LTBP1: variants seen among roughly 807,000 people sequenced by gnomAD.
The protein encoded by LTBP1 is latent transforming growth factor beta binding protein 1, also known as latent-transforming growth factor beta-binding protein 1.
In LTBP1, 129 loss-of-function variants were observed where a neutral mutation model predicts 207.6. The ratio of observed to expected loss-of-function variants is 0.62; its 90% CI spans 0.54 to 0.72. LTBP1 has a LOEUF of 0.72. Among genes scored for constraint, LTBP1 ranks in the 30% least tolerant of loss-of-function variants. The probability of loss-of-function intolerance (pLI) is 0.00; values close to 1 mark genes in which losing one functional copy is unlikely to be tolerated. For missense variants in LTBP1, 2,281 were observed against 2,217.2 expected, an observed-to-expected ratio of 1.03 and a Z score of -0.58; for synonymous variants, 963 against 833.7, an observed-to-expected ratio of 1.16 and a Z score of -2.67.
At chr2:33,352,772 A>G (rs1042207068) in intron 26 of LTBP1, among the ~76,000 whole-genome samples, 13 of 152,130 alleles carry the variant, frequency 8.5e-5, no homozygotes, top group African/African-American at 3.1e-4. Flanking sequence ...TGAAGTCCAA[A>G]TGCATTAGCA....
intron 3 of LTBP1, among the ~76,000 whole-genome samples, chr2:33,084,819 G>A (rs2078656309): frequency 6.6e-6 from 1 of 152,210 alleles, no homozygotes; most frequent in African/African-American, 2.4e-5. Flanking sequence ...CAGCTGCGGG[G>A]TAGAGTCCAC....
intron 3 of LTBP1, among the ~76,000 whole-genome samples, chr2:33,033,502 A>T (rs1358028806): frequency 6.6e-6 from 1 of 152,164 alleles, no homozygotes; most frequent in Non-Finnish European, 1.5e-5. Flanking sequence ...GAACAATCAG[A>T]TGCAAGCGGG....
intron 31 of LTBP1, among the ~76,000 whole-genome samples, chr2:33,384,923 GA>G (rs2095252798): frequency 6.6e-6 from 1 of 152,168 alleles, no homozygotes; most frequent in African/African-American, 2.4e-5. Context: ...AGATCCTAAA[GA>G]GGATGACTTG....
At chr2:33,169,238 C>G (rs982855847) in intron 5 of LTBP1, among the ~76,000 whole-genome samples, 1 of 152,204 alleles carries the variant, frequency 6.6e-6, no homozygotes, top group Non-Finnish European at 1.5e-5. Context: ...TAGAAGGTCT[C>G]CATGCCCTTC....
intron 5 of LTBP1, among the ~76,000 whole-genome samples, chr2:33,138,311 A>G (rs933196164): frequency 6.6e-6 from 1 of 152,236 alleles, no homozygotes; most frequent in African/African-American, 2.4e-5. Context: ...GTGAGGCCCA[A>G]ATGAATATGG....
At chr2:33,300,873 T>G (rs1303207738) in intron 21 of LTBP1, among the ~76,000 whole-genome samples, 1 of 152,226 alleles carries the variant, frequency 6.6e-6, no homozygotes, top group African/African-American at 2.4e-5. Context: ...ACATGTAAAT[T>G]AATTTAAAGT....
intron 31 of LTBP1, 63 bp from the exon 32 acceptor site, chr2:33,389,121 G>A (rs1456626455): frequency 3.7e-6 from 6 of 1,608,144 alleles, no homozygotes; most frequent in Non-Finnish European, 5.1e-6. Flanking sequence ...TCTGAGCTGC[G>A]AGGGGGTGGG....
At chr2:33,144,964 A>G (rs553017533) in intron 5 of LTBP1, among the ~76,000 whole-genome samples, 68 of 152,356 alleles carry the variant, frequency 4.5e-4, no homozygotes, top group African/African-American at 1.2e-3. Context: ...TAAGCAGTCC[A>G]GGAAAATAAA....
At chr2:33,221,708 G>C (rs147356166) in intron 8 of LTBP1, among the ~76,000 whole-genome samples, 37 of 152,246 alleles carry the variant, frequency 2.4e-4, no homozygotes, top group East Asian at 2.1e-3. Flanking sequence ...AATGTTCCAG[G>C]ACGTGTAGTA....
At chr2:33,046,238 T>C (rs1300913947) in intron 3 of LTBP1, among the ~76,000 whole-genome samples, 1 of 152,196 alleles carries the variant, frequency 6.6e-6, no homozygotes, top group Non-Finnish European at 1.5e-5. Flanking sequence ...CAGTATGATA[T>C]TGGCTGTGGG....
At position 33,365,300 on chromosome 2, in the gene LTBP1, G is replaced by A. The variant is rs75656819; in HGVS notation, c.4541-33G>A. ...AGTGTTTATAAATAGGAATAACTGT[G>A]CGATTTTCATGGAACTATGTCTTCC... On this transcript the variant is annotated intron_variant, in intron 30 of 33. Transcript: ENST00000404816. 4,619 of 1,599,278 alleles carry A rather than the reference G, an allele frequency of 2.9e-3. 20 individuals carry two copies. Among genetic ancestry groups the A allele is most frequent in the Middle Eastern group, 0.017 (103 of 6,020 alleles).
At chr2:33,004,229 T>G (rs1380435058) in intron 2 of LTBP1, among the ~76,000 whole-genome samples, 1 of 152,154 alleles carries the variant, frequency 6.6e-6, no homozygotes, top group Non-Finnish European at 1.5e-5. Flanking sequence ...TTGGAGCTAC[T>G]TAACTTGTGC....
intron 2 of LTBP1, among the ~76,000 whole-genome samples, chr2:33,003,912 C>T (rs1047653741): frequency 6.6e-6 from 1 of 152,188 alleles, no homozygotes; most frequent in Non-Finnish European, 1.5e-5. Context: ...GACATCTGCC[C>T]AGCAACTGCC....
At chr2:33,051,810 T>A (rs1402751146) in intron 3 of LTBP1, among the ~76,000 whole-genome samples, 1 of 152,222 alleles carries the variant, frequency 6.6e-6, no homozygotes, top group African/African-American at 2.4e-5. Flanking sequence ...TTGCTCAATC[T>A]GCTAGGCTTA....
rs922980232 is a variant in LTBP1, at chr2:32,947,342, C to T, written c.18C>T (p.Leu6=). The part of the protein sequence containing the change: MAGAW[L]RWGLLLWAGL... The stretch of plus-strand genomic sequence containing the variant: ...GGCCCGCGATGGCGGGGGCCTGGCT[C>T]AGGTGGGGGCTCCTGCTCTGGGCAG... Residue 6 remains leucine, a synonymous_variant, in exon 1 of 34, where the codon CTC becomes CTT. Transcript: ENST00000404816. 10 of 1,248,408 alleles carry T rather than the reference C, an allele frequency of 8.0e-6. No homozygotes were observed. Among genetic ancestry groups the T allele is most frequent in the Non-Finnish European group, 1.0e-5 (10 of 996,822 alleles). 77.3% of individuals were successfully genotyped at this position (1,248,408 alleles called of 1,614,324 possible).
intron 4 of LTBP1, among the ~76,000 whole-genome samples, chr2:33,118,027 C>T (rs893621535): frequency 6.6e-6 from 1 of 152,058 alleles, no homozygotes. Context: ...GGCAGCTCTG[C>T]TCCTCTGAGA....
chr2:33,301,354 G>C (rs1263913548), intron 21 of LTBP1, among the ~76,000 whole-genome samples, 168 bp from the exon 22 acceptor site: 1 of 152,130 alleles, frequency 6.6e-6, no homozygotes, highest in Non-Finnish European at 1.5e-5. Context: ...CTGAATATTT[G>C]AGAAGCAAAA....
At chr2:33,170,788 G>A (rs1233803727) in intron 5 of LTBP1, among the ~76,000 whole-genome samples, 2 of 151,948 alleles carry the variant, frequency 1.3e-5, no homozygotes, top group Non-Finnish European at 2.9e-5. Context: ...CACCTCACAC[G>A]GCCGGGTACT....
chr2:32,990,888 G>A (rs1164299931), intron 2 of LTBP1, among the ~76,000 whole-genome samples: 2 of 152,160 alleles, frequency 1.3e-5, no homozygotes, highest in Admixed American at 6.5e-5. Context: ...TGTGTAGGCT[G>A]TTGGATGCTG....
Sources: allele counts gnomAD v4.1 joint callset (sites outside exome capture counted in the v4.1 genomes callset), GRCh38; gene constraint gnomAD v4.1.1; transcripts MANE v1.5; gene names NCBI Gene and HGNC (gene_info 2026-07-23, HGNC 2026-07-21).